The following ZNF395 variants were observed in gnomAD, a reference collection of about 807,000 sequenced individuals.
ZNF395 encodes the protein zinc finger protein 395, also known as HD gene regulatory region-binding protein 2.
A neutral mutation model predicts 57.7 loss-of-function variants in ZNF395; 20 were observed. That is an observed-to-expected ratio of 0.35 (90% CI 0.24 to 0.50). The LOEUF (loss-of-function observed/expected upper bound fraction) is 0.50. Among genes scored for constraint, ZNF395 ranks in the 20% least tolerant of loss-of-function variants. The pLI is 0.97. For synonymous variants in ZNF395, 295 were observed against 275.9 expected, an observed-to-expected ratio of 1.07 and a Z score of -0.69; for missense variants, 606 against 671.2, an observed-to-expected ratio of 0.90 and a Z score of 1.07.
Position 28,360,908 on chromosome 8 carries a change from C to G in ZNF395, c.217G>C (p.Val73Leu). The G allele has an allele frequency of 6.2e-7, 1 of 1,613,936 alleles. No individual in the cohort carries two copies. Among genetic ancestry groups the G allele is most frequent in the African/African-American group, 1.3e-5 (1 of 75,064 alleles). The part of the protein sequence containing the change: ...KAPSTSGLQQ[V>L]AFQPGQKVYV... The stretch of plus-strand genomic sequence containing the variant: ...ACCTTCTGCCCAGGCTGAAAGGCCA[C>G]CTGCTGAAGGCCCGAGGTGCTGGGA... Residue 73 changes from valine (V) to leucine (L), a missense_variant, in exon 2 of 10, where the codon GTG (valine) becomes CTG (leucine). Physicochemically the swap from Val to Leu is conservative, Grantham distance 32. This residue lies in a region of ZNF395 where 309 missense variants were observed against 374.7 expected (regional missense o/e 0.82). Transcript: ENST00000344423.
intron 9 of ZNF395, 61 bp downstream of exon 9, chr8:28,349,064 C>A: frequency 2.0e-6 from 3 of 1,497,752 alleles, no homozygotes; most frequent in South Asian, 2.6e-5. Context: ...GGGTCGGAGT[C>A]CACGCCACTG....
chr8:28,374,313 A>C lies in ZNF395; in HGVS notation c.-59+12080T>G, dbSNP rs138962029. 3.3e-5 allele frequency among the ~76,000 whole-genome samples: 5 copies of C among 152,330 alleles called. No homozygotes were observed. The East Asian group carries it at 9.6e-4, about 29-fold the overall frequency. On this transcript the variant is annotated intron_variant, in intron 1 of 9. Coordinates refer to ENST00000344423, the MANE Select transcript of ZNF395 (RefSeq NM_018660.3). ...AGATGTGAGTATGTGAGGCATCTGAAGAACAGCAAGTCCATGAAAGTGCTG... is the reference window on the plus strand; with the variant it reads ...AGATGTGAGTATGTGAGGCATCTGACGAACAGCAAGTCCATGAAAGTGCTG...
In ZNF395 at chr8:28,352,666, A is replaced by T; in HGVS notation, c.827T>A (p.Val276Glu). ...CCACAGGCACTTGTACATCACCTTC[A>T]CAGAGTTCTACAGGAAAGGAAGACA... The part of the protein sequence containing the change: ...EPAPRKRKNS[V>E]KVMYKCLWPN... Residue 276 changes from valine to glutamate, a missense_variant, in exon 6 of 10, where the codon GTG becomes GAG. By Grantham distance (121) the Val-to-Glu change is moderately radical. Transcript: ENST00000344423. This position sits in a 1 kb window ranked among gnomAD's most constrained non-coding sequence, Gnocchi z 4.0. 1.2e-6 allele frequency: 2 copies of T among 1,613,760 alleles called. No homozygotes were observed. Among genetic ancestry groups the T allele is most frequent in the Non-Finnish European group, 1.7e-6 (2 of 1,179,662 alleles).
intron 4 of ZNF395, 141 bp from the exon 5 acceptor site, chr8:28,353,549 C>A: frequency 1.6e-6 from 1 of 628,878 alleles, no homozygotes; most frequent in East Asian, 2.8e-5. Flanking sequence ...CCCTCGCAGA[C>A]ATTTCCTACC....
intron 1 of ZNF395, among the ~76,000 whole-genome samples, chr8:28,373,896 T>G (rs1480777132): frequency 2.6e-5 from 4 of 152,138 alleles, no homozygotes; most frequent in Non-Finnish European, 5.9e-5. Flanking sequence ...TAACTCTAAG[T>G]GAGGAACTGA....
chr8:28,379,888 C>G (rs2129995773), intron 1 of ZNF395, among the ~76,000 whole-genome samples: 1 of 146,868 alleles, frequency 6.8e-6, no homozygotes, highest in Non-Finnish European at 1.5e-5. Context: ...CCAGAAGCAA[C>G]TGGTATTTGT....
intron 1 of ZNF395, chr8:28,385,489 GTGC>G (rs1236172041): frequency 6.6e-6 from 1 of 151,310 alleles, no homozygotes; most frequent in Non-Finnish European, 1.5e-5. Context: ...GGGCGAGAGC[GTGC>G]GGGCAGAGGG....
chr8:28,381,857 G>C (rs970368311), intron 1 of ZNF395, among the ~76,000 whole-genome samples: 2 of 152,086 alleles, frequency 1.3e-5, no homozygotes, highest in African/African-American at 4.8e-5. Flanking sequence ...GGAGAACACA[G>C]GTCAAAGCCC....
intron 1 of ZNF395, among the ~76,000 whole-genome samples, chr8:28,361,804 G>C (rs1801853053): frequency 6.6e-6 from 1 of 152,132 alleles, no homozygotes; most frequent in South Asian, 2.1e-4. Flanking sequence ...GAAACTTGCC[G>C]AGCTTGGCCG....
chr8:28,377,232 T>C (rs1000466018), intron 1 of ZNF395, among the ~76,000 whole-genome samples: 1 of 152,122 alleles, frequency 6.6e-6, no homozygotes, highest in African/African-American at 2.4e-5. Flanking sequence ...AAGTAATACA[T>C]ATGCAAAAAT....
At chr8:28,370,017 G>A (rs1317199547) in intron 1 of ZNF395, among the ~76,000 whole-genome samples, 1 of 152,174 alleles carries the variant, frequency 6.6e-6, no homozygotes, top group African/African-American at 2.4e-5. Context: ...GTTGTATAAT[G>A]AGATGAATGA....
chr8:28,368,433 G>C (rs563404502), intron 1 of ZNF395: 2 of 152,228 alleles, frequency 1.3e-5, no homozygotes, highest in African/African-American at 4.8e-5. Flanking sequence ...TGAGAACACA[G>C]GTTCAAAAAG....
chr8:28,379,445 G>A (rs1049022844), intron 1 of ZNF395, among the ~76,000 whole-genome samples: 5 of 152,246 alleles, frequency 3.3e-5, no homozygotes, highest in African/African-American at 7.2e-5. Flanking sequence ...CAGAAGGATC[G>A]CTTCAGCCCA....
chr8:28,368,505 G>T, intron 1 of ZNF395: 1 of 152,336 alleles, frequency 6.6e-6, no homozygotes. Context: ...TTCCCGCGCT[G>T]TCCTGGTCCA....
intron 1 of ZNF395, among the ~76,000 whole-genome samples, chr8:28,374,412 T>G (rs1428580190): frequency 6.6e-6 from 1 of 152,192 alleles, no homozygotes; most frequent in Non-Finnish European, 1.5e-5. Flanking sequence ...AAGTTTTGCA[T>G]TTTTCCCCTC....
At position 28,347,033 on chromosome 8, in the gene ZNF395, G is replaced by T. The variant is rs1346740637; in HGVS notation, c.*1686C>A. 6.6e-6 allele frequency: 1 copy of T among 151,270 alleles called. No homozygotes were observed. Among genetic ancestry groups the T allele is most frequent in the African/African-American group, 2.4e-5 (1 of 41,104 alleles). 9.4% of individuals were successfully genotyped at this position (151,270 alleles called of 1,614,324 possible). On this transcript the variant is annotated 3_prime_UTR_variant, in exon 10 of 10. Coordinates refer to ENST00000344423, the MANE Select transcript of ZNF395 (RefSeq NM_018660.3). ...GTCTGTCCCTTCTGTCACCAACCTA[G>T]GGCACTACACCCTTCCCAACATCAT...
intron 1 of ZNF395, among the ~76,000 whole-genome samples, chr8:28,377,524 G>A (rs79219938): frequency 0.011 from 1,701 of 151,846 alleles, 37 homozygotes; most frequent in African/African-American, 0.038. Context: ...TCTCTTTATC[G>A]CTAAACTGAA....
intron 1 of ZNF395, among the ~76,000 whole-genome samples, chr8:28,377,784 G>T: frequency 7.2e-6 from 1 of 138,032 alleles, no homozygotes. Context: ...GAGAGATGGA[G>T]TCTCACTCTG....
chr8:28,365,724 T>C (rs1801902603), intron 1 of ZNF395, among the ~76,000 whole-genome samples: 1 of 152,196 alleles, frequency 6.6e-6, no homozygotes, highest in African/African-American at 2.4e-5. Context: ...TTGGCTACCC[T>C]AGATAACATC....
Sources: gnomAD v4.1 joint callset for allele counts (sites outside exome capture counted in the v4.1 genomes callset) on GRCh38, gnomAD v4.1.1 for gene constraint, gnomAD v4.1.1 regional missense constraint, Gnocchi (gnomAD v3.1) non-coding constraint, MANE v1.5 for transcripts, NCBI Gene and HGNC (gene_info 2026-07-23, HGNC 2026-07-21) for gene names.